The following ATP9B variants were observed in gnomAD, a reference collection of about 807,000 sequenced individuals.
The protein encoded by ATP9B is ATPase phospholipid transporting 9B.
A neutral mutation model predicts 146.1 loss-of-function variants in ATP9B; 110 were observed. The observed-to-expected ratio is 0.75, with a 90% CI of 0.65 to 0.88. ATP9B has a LOEUF of 0.88. Among genes scored for constraint, ATP9B ranks in the 40% least tolerant of loss-of-function variants. ATP9B has a pLI of 0.00. For missense variants in ATP9B, 1,499 were observed against 1,496.4 expected, an observed-to-expected ratio of 1.00 and a Z score of -0.03; for synonymous variants, 604 against 569.7, an observed-to-expected ratio of 1.06 and a Z score of -0.86.
intron 15 of ATP9B, among the ~76,000 whole-genome samples, chr18:79,325,783 G>A (rs1024117557): frequency 2.0e-5 from 3 of 152,178 alleles, no homozygotes; most frequent in African/African-American, 7.2e-5. Context: ...CCACTTGCAC[G>A]CAGCATCTCC....
At chr18:79,099,360 T>C (rs986293764) in intron 2 of ATP9B, among the ~76,000 whole-genome samples, 1 of 152,168 alleles carries the variant, frequency 6.6e-6, no homozygotes, top group African/African-American at 2.4e-5. Context: ...TAGCTGGGAC[T>C]ACAGATGTGC....
chr18:79,162,544 TG>T (rs1334190835), intron 7 of ATP9B, among the ~76,000 whole-genome samples: 2 of 152,242 alleles, frequency 1.3e-5, no homozygotes, highest in Non-Finnish European at 2.9e-5. Context: ...TTTAAGTGTT[TG>T]GGACATATTA....
In ATP9B at chr18:79,346,636, ACT is replaced by A. The variant is rs1311403082; in HGVS notation, c.2682+799_2682+800del. Among the ~76,000 whole-genome samples, 3 of 119,372 alleles carry A rather than the reference ACT, an allele frequency of 2.5e-5. No homozygotes were observed. In the Admixed American group the frequency reaches 2.6e-4, roughly 10 times the overall value. 78.3% of individuals were successfully genotyped at this position (119,372 alleles called of 152,430 possible). ...TTAGCACACTACATGCTTGGCACAC[ACT>A]CAGCGCACCTCAGCATGTGTTCAGT... On this transcript the variant is annotated intron_variant, in intron 23 of 29. Coordinates refer to ENST00000426216, the MANE Select transcript of ATP9B (RefSeq NM_198531.5).
At chr18:79,333,034 T>C (rs564590727) in intron 17 of ATP9B, 1 of 152,350 alleles carries the variant, frequency 6.6e-6, no homozygotes, top group South Asian at 2.1e-4. Context: ...TGCCTACAGA[T>C]TAACCTTGAT....
chr18:79,078,164 C>G (rs1029346491), intron 1 of ATP9B: 1 of 152,206 alleles, frequency 6.6e-6, no homozygotes, highest in Non-Finnish European at 1.5e-5. Context: ...GTAGGTGAGG[C>G]TATTTGCTTT....
chr18:79,366,742 G>A (rs1000677153), intron 26 of ATP9B, among the ~76,000 whole-genome samples: 4 of 152,202 alleles, frequency 2.6e-5, no homozygotes, highest in East Asian at 3.8e-4. Context: ...TTATGCGGAC[G>A]AGACCCTGTG....
chr18:79,197,392 A>T (rs1017791038), intron 9 of ATP9B, among the ~76,000 whole-genome samples: 1 of 152,074 alleles, frequency 6.6e-6, no homozygotes, highest in African/African-American at 2.4e-5. Context: ...TAATGAATTA[A>T]ATAAGTATAT....
chr18:79,127,619 AT>A (rs2147206504), intron 5 of ATP9B, among the ~76,000 whole-genome samples: 1 of 152,266 alleles, frequency 6.6e-6, no homozygotes, highest in Admixed American at 6.5e-5. Flanking sequence ...GTGGGTGGAC[AT>A]TTGGGGTTGT....
intron 1 of ATP9B, among the ~76,000 whole-genome samples, chr18:79,089,068 A>G (rs528424927): frequency 6.0e-4 from 92 of 152,284 alleles, no homozygotes; most frequent in African/African-American, 2.1e-3. Flanking sequence ...GTCCTTTGTG[A>G]TGGCATAAGA....
intron 9 of ATP9B, among the ~76,000 whole-genome samples, chr18:79,195,339 C>T (rs1052435258): frequency 6.6e-6 from 1 of 152,162 alleles, no homozygotes; most frequent in Non-Finnish European, 1.5e-5. Context: ...CCTCAAACTC[C>T]TAGGCTCACA....
At chr18:79,311,635 C>T (rs935510667) in intron 15 of ATP9B, among the ~76,000 whole-genome samples, 3 of 152,208 alleles carry the variant, frequency 2.0e-5, no homozygotes, top group Admixed American at 2.0e-4. Flanking sequence ...TATGACACGT[C>T]ATTAGCCATG....
At chr18:79,113,185 G>T in intron 3 of ATP9B, 56 bp from the exon 4 acceptor site, 1 of 834,372 alleles carries the variant, frequency 1.2e-6, no homozygotes, top group South Asian at 1.5e-5. Context: ...GTTTAATTTA[G>T]GTATTAAAAT....
At position 79,195,381 on chromosome 18, in the gene ATP9B, G is replaced by A. The variant is rs1035607800; in HGVS notation, c.954+2118G>A. On this transcript the variant is annotated intron_variant, in intron 9 of 29. Coordinates refer to ENST00000426216, the MANE Select transcript of ATP9B (RefSeq NM_198531.5). ...TCCTGCCTCAGCCTTCTAAAGGGTC[G>A]GGATCATAGACATGAGAGCCATCGT... Among the ~76,000 whole-genome samples the A allele has an allele frequency of 2.6e-5, 4 of 152,100 alleles. No individual in the cohort carries two copies. The East Asian group carries it at 5.8e-4, about 22-fold the overall frequency.
intron 7 of ATP9B, chr18:79,173,679 C>G (rs780287781): frequency 2.0e-5 from 9 of 455,724 alleles, no homozygotes; most frequent in Non-Finnish European, 3.5e-5. Flanking sequence ...TTCCATTGAT[C>G]TGTGTTTCTG....
intron 13 of ATP9B, among the ~76,000 whole-genome samples, chr18:79,301,617 G>A (rs554793350): frequency 2.1e-4 from 32 of 152,308 alleles, no homozygotes; most frequent in African/African-American, 7.7e-4. Flanking sequence ...AACAAGAGTA[G>A]CATGACAAAA....
chr18:79,285,831 C>T (rs2096433307), intron 13 of ATP9B, among the ~76,000 whole-genome samples: 1 of 152,152 alleles, frequency 6.6e-6, no homozygotes, highest in African/African-American at 2.4e-5. Context: ...CAGCTTTCTA[C>T]ATGTGGCTAG....
At chr18:79,186,116 A>G (rs1392523729) in intron 8 of ATP9B, among the ~76,000 whole-genome samples, 2 of 152,208 alleles carry the variant, frequency 1.3e-5, no homozygotes, top group African/African-American at 4.8e-5. Context: ...TAACAACCAC[A>G]AGGCCACAGT....
chr18:79,273,846 T>G (rs1379033511), intron 12 of ATP9B, among the ~76,000 whole-genome samples: 1 of 152,240 alleles, frequency 6.6e-6, no homozygotes, highest in African/African-American at 2.4e-5. Flanking sequence ...TTAAGAGATC[T>G]GACATTCCGA....
At chr18:79,116,940 T>TAAAAAAAAAAAAAAAAAA (rs377608135) in intron 4 of ATP9B, among the ~76,000 whole-genome samples, 3 of 106,792 alleles carry the variant, frequency 2.8e-5, no homozygotes, top group Non-Finnish European at 3.8e-5. Context: ...AAAAAAAAAT[T>TAAAAAAAAAAAAAAAAAA]AAAAAAAAAA....
Sources: gnomAD v4.1 joint callset for allele counts (sites outside exome capture counted in the v4.1 genomes callset) on GRCh38, gnomAD v4.1.1 for gene constraint, MANE v1.5 for transcripts, NCBI Gene and HGNC (gene_info 2026-07-23, HGNC 2026-07-21) for gene names.